TAL1: variants seen among roughly 807,000 people sequenced by gnomAD.
TAL1 encodes TAL bHLH transcription factor 1, erythroid differentiation factor, also known as T-cell acute lymphocytic leukemia protein 1.
A neutral mutation model predicts 17.9 loss-of-function variants in TAL1; 8 were observed. The observed-to-expected ratio is 0.45, with a 90% CI of 0.26 to 0.81. TAL1 has a LOEUF of 0.81. Ranked by LOEUF, TAL1 falls within the 30% of genes least tolerant of loss-of-function variation. The pLI is 0.17. For synonymous variants in TAL1, 223 were observed against 218.6 expected (o/e 1.02, Z -0.18); for missense variants, 466 against 486.9 (o/e 0.96, Z 0.40).
chr1:47,226,846 T>C (rs2148593207), intron 1 of TAL1, among the ~76,000 whole-genome samples: 1 of 152,320 alleles, frequency 6.6e-6, no homozygotes, highest in South Asian at 2.1e-4. Flanking sequence ...CAGGATGTCA[T>C]GAGGCCCTTG....
intron 3 of TAL1, among the ~76,000 whole-genome samples, chr1:47,222,007 C>T (rs1200083042): frequency 1.3e-5 from 2 of 148,784 alleles, no homozygotes; most frequent in Admixed American, 6.6e-5. Context: ...AAGGCCAGAC[C>T]CAGCCTGGGA....
chr1:47,225,346 A>T, intron 2 of TAL1, 97 bp downstream of exon 3: 1 of 1,128,176 alleles, frequency 8.9e-7, no homozygotes, highest in Non-Finnish European at 1.1e-6. Context: ...CTCGGCCCCC[A>T]GGGCAGGCCG....
At chr1:47,219,400 C>T (rs1449380077) in exon 4 of TAL1, 1 of 597,806 alleles carries the variant, frequency 1.7e-6, no homozygotes, top group East Asian at 3.5e-5. Context: ...AGACAGGGAT[C>T]CCAAACTCCA....
chr1:47,223,744 A>T (rs1249431734), intron 3 of TAL1: 4 of 402,460 alleles, frequency 9.9e-6, no homozygotes, highest in Non-Finnish European at 1.8e-5. Context: ...CTAACTCCAG[A>T]GGTTTGGGCT....
chr1:47,222,079 G>A (rs1386646653), intron 3 of TAL1, among the ~76,000 whole-genome samples: 2 of 152,246 alleles, frequency 1.3e-5, no homozygotes, highest in Non-Finnish European at 2.9e-5. Context: ...ATTACTTGCT[G>A]CTTTCAGGCC....
At chr1:47,225,854 C>G in exon 2 of TAL1, 2 of 1,584,576 alleles carry the variant, frequency 1.3e-6, no homozygotes, top group Non-Finnish European at 1.7e-6. Context: ...CTGGGGGTCA[C>G]TGCGAGCCGC....
At chr1:47,218,502 G>A (rs138701136) in exon 4 of TAL1, 118 of 232,524 alleles carry the variant, frequency 5.1e-4, no homozygotes, top group African/African-American at 2.2e-3. Context: ...CCTCCCAGAC[G>A]CACCCTTGAT....
At chr1:47,227,315 A>G (rs1643928081) in intron 1 of TAL1, 1 of 152,244 alleles carries the variant, frequency 6.6e-6, no homozygotes, top group Non-Finnish European at 1.5e-5. Flanking sequence ...GTTTAAAATA[A>G]GCTTTCTGCT....
At chr1:47,224,557 G>A (rs1643879471) in intron 2 of TAL1, among the ~76,000 whole-genome samples, 1 of 151,980 alleles carries the variant, frequency 6.6e-6, no homozygotes, top group African/African-American at 2.4e-5. Context: ...GTGCATCTTG[G>A]TCACCACAAA....
intron 1 of TAL1, chr1:47,228,376 A>G (rs1273275433): frequency 2.7e-5 from 5 of 188,242 alleles, no homozygotes; most frequent in African/African-American, 1.2e-4. Context: ...ATTTGGGGAG[A>G]ATGAAGGAGG....
chr1:47,232,220 G>A (rs1213537813), upstream of TAL1: 2 of 181,374 alleles, frequency 1.1e-5, no homozygotes, highest in Non-Finnish European at 2.4e-5. Context: ...GGTCCTGAGC[G>A]GCGGCGGCCC....
At chr1:47,232,022 G>GCC (rs537925581), upstream of TAL1, 6 of 178,930 alleles carry the variant, frequency 3.4e-5, no homozygotes, top group Non-Finnish European at 5.5e-5. Context: ...CCCCCCCACC[G>GCC]CCCCCCCCGG....
chr1:47,225,366 T>G, intron 2 of TAL1, 77 bp downstream of exon 3: 3 of 1,183,110 alleles, frequency 2.5e-6, no homozygotes, highest in Non-Finnish European at 3.2e-6. Context: ...GCCGCCGATG[T>G]GTAGAAGGAA....
rs117802762 is a variant in TAL1, at chr1:47,217,277, A to C, written c.*2443T>G. ...GTGGCTCACACCTGTGGTCCTCCCT[A>C]CTCGGGAGGCTGAGGTGAGAGGATT... On this transcript the variant is annotated 3_prime_UTR_variant, in exon 4 of 4. Transcript: ENST00000294339. 4.8e-4 allele frequency: 178 copies of C among 372,158 alleles called. No homozygotes were observed. In the East Asian group the frequency reaches 6.4e-3, roughly 13 times the overall value. 23.1% of individuals were successfully genotyped at this position (372,158 alleles called of 1,614,324 possible). A position where few individuals can be genotyped will look rare whatever the true frequency, so the allele number is the denominator to read the frequency against.
At chr1:47,217,539 GA>G in exon 4 of TAL1, 1 of 398,570 alleles carries the variant, frequency 2.5e-6, no homozygotes, top group Non-Finnish European at 4.4e-6. Context: ...CTCAGGCTGC[GA>G]AACCCCACTG....
intron 1 of TAL1, chr1:47,228,473 C>G (rs1169107970): frequency 5.2e-6 from 1 of 192,968 alleles, no homozygotes. Flanking sequence ...CTTATAGCCC[C>G]CAACAGGAAA....
chr1:47,222,638 T>A (rs1032232779), intron 3 of TAL1, among the ~76,000 whole-genome samples: 4 of 152,142 alleles, frequency 2.6e-5, no homozygotes. Flanking sequence ...ACCCTTCGCC[T>A]ACATGTCTGC....
upstream of TAL1, among the ~76,000 whole-genome samples, chr1:47,231,911 G>A (rs79783785): frequency 6.3e-4 from 96 of 152,228 alleles, 3 homozygotes; most frequent in East Asian, 0.016. Flanking sequence ...ACAGCCTCGC[G>A]CATTTCTGTA....
At chr1:47,225,470 A>G in exon 2 of TAL1, 2 of 1,233,128 alleles carry the variant, frequency 1.6e-6, no homozygotes, top group Non-Finnish European at 2.0e-6. Flanking sequence ...CGGCTGGCTG[A>G]GGCTGTAGAG....
Sources: allele counts gnomAD v4.1 joint callset (sites outside exome capture counted in the v4.1 genomes callset), GRCh38; gene constraint gnomAD v4.1.1; transcripts MANE v1.5; gene names NCBI Gene and HGNC (gene_info 2026-07-23, HGNC 2026-07-21).